Variants in LDLRAD4 observed in about 807,000 individuals in gnomAD.
The protein encoded by LDLRAD4 is low density lipoprotein receptor class A domain containing 4, also known as low-density lipoprotein receptor class A domain-containing protein 4.
LDLRAD4 carries 5 observed loss-of-function variants against 17.0 expected under a neutral mutation model. The observed-to-expected ratio is 0.29, with a 90% CI of 0.15 to 0.62. The LOEUF is 0.62. Ranked by LOEUF, LDLRAD4 falls within the 20% of genes least tolerant of loss-of-function variation. The pLI, the probability that LDLRAD4 is intolerant of heterozygous loss-of-function variation, is 0.84. For missense variants in LDLRAD4, 340 were observed against 424.7 expected (o/e 0.80, Z 1.75); for synonymous variants, 168 against 171.8 (o/e 0.98, Z 0.17).
intron 1 of LDLRAD4, among the ~76,000 whole-genome samples, chr18:13,348,514 C>T (rs144832201): frequency 0.12 from 17,921 of 152,112 alleles, 1,402 homozygotes; most frequent in Non-Finnish European, 0.17. Context: ...GGCTACTTGG[C>T]GGTCAGGGAT....
chr18:13,459,354 A>T (rs75729620), intron 3 of LDLRAD4, among the ~76,000 whole-genome samples: 21,668 of 136,872 alleles, frequency 0.16, 1,773 homozygotes, highest in African/African-American at 0.24. Flanking sequence ...AAGAAAAATT[A>T]AAAAATAACA....
chr18:13,235,959 A>G (rs1330632931), intron 1 of LDLRAD4, among the ~76,000 whole-genome samples: 1 of 152,250 alleles, frequency 6.6e-6, no homozygotes. Flanking sequence ...CATCTTTTCC[A>G]TATTTTCTAC....
At chr18:13,341,537 A>G (rs775917554) in intron 1 of LDLRAD4, among the ~76,000 whole-genome samples, 3 of 152,074 alleles carry the variant, frequency 2.0e-5, no homozygotes, top group Non-Finnish European at 4.4e-5. Flanking sequence ...TTTCATTGTT[A>G]GTGTATGATA....
intron 1 of LDLRAD4, among the ~76,000 whole-genome samples, chr18:13,249,754 A>T (rs535995853): frequency 2.0e-5 from 3 of 152,218 alleles, no homozygotes; most frequent in South Asian, 4.1e-4. Flanking sequence ...TTAGGTCGAT[A>T]TAATCCCATT....
intron 1 of LDLRAD4, among the ~76,000 whole-genome samples, chr18:13,371,793 GAA>G (rs1487948893): frequency 3.3e-5 from 5 of 152,004 alleles, no homozygotes. Flanking sequence ...AAGAGAGAGA[GAA>G]AGAGAAAAAG....
intron 2 of LDLRAD4, among the ~76,000 whole-genome samples, chr18:13,405,562 C>G (rs912390557): frequency 6.6e-6 from 1 of 151,804 alleles, no homozygotes; most frequent in African/African-American, 2.4e-5. Flanking sequence ...TCCCGAGTTG[C>G]TGGGACCACA....
intron 3 of LDLRAD4, among the ~76,000 whole-genome samples, chr18:13,605,751 C>A (rs114061358): frequency 0.013 from 2,026 of 152,260 alleles, 42 homozygotes; most frequent in African/African-American, 0.046. Context: ...TCTTTAAAAT[C>A]ATTGTTGAAT....
intron 2 of LDLRAD4, among the ~76,000 whole-genome samples, chr18:13,408,058 G>A (rs1298883216): frequency 6.6e-6 from 1 of 152,030 alleles, no homozygotes; most frequent in African/African-American, 2.4e-5. Flanking sequence ...TACAATTACT[G>A]TCACCTTATA....
chr18:13,330,431 C>T (rs1017532580), intron 1 of LDLRAD4, among the ~76,000 whole-genome samples: 1 of 152,098 alleles, frequency 6.6e-6, no homozygotes, highest in Non-Finnish European at 1.5e-5. Context: ...TCCTAATCCT[C>T]GTGTATCTTC....
chr18:13,481,875 G>A (rs941064441), intron 3 of LDLRAD4, among the ~76,000 whole-genome samples: 1 of 152,180 alleles, frequency 6.6e-6, no homozygotes, highest in Admixed American at 6.5e-5. Context: ...GACAGAGCGT[G>A]AGAGGTGAGT....
At chr18:13,390,007 A>C (rs2086145297) in intron 2 of LDLRAD4, among the ~76,000 whole-genome samples, 1 of 152,112 alleles carries the variant, frequency 6.6e-6, no homozygotes, top group Non-Finnish European at 1.5e-5. Context: ...GTAATTTATG[A>C]ATAAAAGCTT....
intron 3 of LDLRAD4, among the ~76,000 whole-genome samples, chr18:13,582,751 C>CTAGAGT (rs1386250459): frequency 6.6e-6 from 1 of 152,218 alleles, no homozygotes. Context: ...CTCACTCTGT[C>CTAGAGT]ACCCAGGCTA....
intron 3 of LDLRAD4, among the ~76,000 whole-genome samples, chr18:13,524,340 A>G (rs148792074): frequency 3.1e-4 from 47 of 152,346 alleles, no homozygotes; most frequent in African/African-American, 1.1e-3. Context: ...AAAATTACAC[A>G]TTCTGTTACA....
Position 13,645,758 on chromosome 18 carries a change from A to G in LDLRAD4, c.*101A>G. On this transcript the variant is annotated 3_prime_UTR_variant, in exon 6 of 6. Coordinates refer to ENST00000359446, the Ensembl canonical transcript of LDLRAD4. The surrounding 1 kb of genome is among the most constrained non-coding windows in gnomAD (Gnocchi z 5.7). ...TGTTGTTCAGTTTCACATGGTACAAATAAGTAAAACCAAATGAGCAAACAC... is the reference window on the plus strand; with the variant it reads ...TGTTGTTCAGTTTCACATGGTACAAGTAAGTAAAACCAAATGAGCAAACAC... The G allele has an allele frequency of 1.1e-6, 1 of 903,098 alleles. No individual in the cohort carries two copies. The highest frequency in any genetic ancestry group is 1.6e-6 in the Non-Finnish European group (1 of 629,614). 55.9% of individuals were successfully genotyped at this position (903,098 alleles called of 1,614,324 possible).
intron 4 of LDLRAD4, among the ~76,000 whole-genome samples, chr18:13,636,142 C>T (rs950092840): frequency 2.6e-5 from 4 of 152,136 alleles, no homozygotes; most frequent in Admixed American, 2.6e-4. Context: ...ACTACACTCA[C>T]AGGAGAATGA....
At chr18:13,342,390 T>C (rs2082418896) in intron 1 of LDLRAD4, among the ~76,000 whole-genome samples, 1 of 151,836 alleles carries the variant, frequency 6.6e-6, no homozygotes, top group Admixed American at 6.6e-5. Flanking sequence ...GAGGCTTTGA[T>C]TACTGATTCA....
intron 3 of LDLRAD4, among the ~76,000 whole-genome samples, chr18:13,586,167 G>T (rs1047839755): frequency 1.3e-5 from 2 of 151,972 alleles, no homozygotes; most frequent in Admixed American, 1.3e-4. Flanking sequence ...CAGCATTTTG[G>T]GAGGACAAGG....
chr18:13,613,566 A>G lies in LDLRAD4; in HGVS notation c.182-7551A>G, dbSNP rs2039801768. 3 of 152,254 alleles carry G rather than the reference A, an allele frequency of 2.0e-5. No individual in the cohort carries two copies. The South Asian group carries it at 6.2e-4, about 32-fold the overall frequency. The allele number at this position is 152,254 out of a possible 1,614,324, so 9.4% of individuals were successfully genotyped here. On this transcript the variant is annotated intron_variant, in intron 3 of 5. Coordinates refer to ENST00000359446, the Ensembl canonical transcript of LDLRAD4. The stretch of plus-strand genomic sequence containing the variant: ...TGCTGATTTTTTAGAAAATCCTGTC[A>G]GTCATCTTTGATCAGAACATATTTA...
intron 1 of LDLRAD4, among the ~76,000 whole-genome samples, chr18:13,246,633 C>T (rs1224369938): frequency 1.3e-5 from 2 of 152,198 alleles, no homozygotes; most frequent in Non-Finnish European, 2.9e-5. Context: ...GGGCAGGAGT[C>T]TGTAAGGAAA....
Sources: gnomAD v4.1 joint callset for allele counts (sites outside exome capture counted in the v4.1 genomes callset) on GRCh38, gnomAD v4.1.1 for gene constraint, Gnocchi (gnomAD v3.1) non-coding constraint, MANE v1.5 for transcripts, NCBI Gene and HGNC (gene_info 2026-07-23, HGNC 2026-07-21) for gene names.